Variants in TASP1 observed in about 807,000 individuals in gnomAD.
TASP1 encodes the protein taspase 1.
A neutral mutation model predicts 56.6 loss-of-function variants in TASP1; 16 were observed. That is an observed-to-expected ratio of 0.28 (90% CI 0.19 to 0.43). TASP1 has a LOEUF of 0.43. Ranked by LOEUF, TASP1 falls within the 20% of genes least tolerant of loss-of-function variation. The probability of loss-of-function intolerance (pLI) is 1.00; values close to 1 mark genes in which losing one functional copy is unlikely to be tolerated. For missense variants in TASP1, 393 were observed against 511.6 expected (o/e 0.77, Z 2.24); for synonymous variants, 179 against 184.2 (o/e 0.97, Z 0.23).
At chr20:13,232,596 A>G in the TASP1 span, among the ~76,000 whole-genome samples, 1 of 152,256 alleles carries the variant, frequency 6.6e-6, no homozygotes, top group African/African-American at 2.4e-5. Flanking sequence ...ACATTCAGGT[A>G]TAAGCCTTTG....
the TASP1 span, among the ~76,000 whole-genome samples, chr20:13,337,842 C>T: frequency 2.0e-5 from 3 of 152,088 alleles, no homozygotes; most frequent in Non-Finnish European, 4.4e-5. Flanking sequence ...GCACCTCTGT[C>T]GTGTTATAAA....
chr20:13,328,139 G>C, the TASP1 span, among the ~76,000 whole-genome samples: 2 of 152,276 alleles, frequency 1.3e-5, no homozygotes. Context: ...CCATTAAAAA[G>C]TGAGCAAAGG....
intron 8 of TASP1, among the ~76,000 whole-genome samples, chr20:13,548,642 A>C (rs78488695): frequency 0.029 from 4,405 of 152,242 alleles, 196 homozygotes; most frequent in African/African-American, 0.098. Flanking sequence ...AGCAAAGAGG[A>C]AGAGCTGCAA....
At chr20:13,126,472 T>C in the TASP1 span, 1 of 1,221,872 alleles carries the variant, frequency 8.2e-7, no homozygotes, top group Non-Finnish European at 1.1e-6. Flanking sequence ...CCCATTCATC[T>C]TTTGAGCATG....
chr20:13,254,664 CATG>C, the TASP1 span, among the ~76,000 whole-genome samples: 1 of 152,186 alleles, frequency 6.6e-6, no homozygotes, highest in Non-Finnish European at 1.5e-5. Flanking sequence ...GGGCACTACC[CATG>C]ATATCACTCA....
chr20:13,107,623 C>A, the TASP1 span, among the ~76,000 whole-genome samples: 2 of 152,148 alleles, frequency 1.3e-5, no homozygotes, highest in Non-Finnish European at 2.9e-5. Context: ...AGGAAAGTGG[C>A]ATGAAATAAA....
the TASP1 span, chr20:13,270,844 T>C: frequency 1.4e-5 from 15 of 1,108,004 alleles, no homozygotes; most frequent in Non-Finnish European, 2.0e-5. Context: ...CTTTTCTTCT[T>C]AACCCCTTAA....
At chr20:13,107,950 T>C in the TASP1 span, among the ~76,000 whole-genome samples, 141 of 152,312 alleles carry the variant, frequency 9.3e-4, no homozygotes, top group African/African-American at 3.2e-3. Context: ...ATTTATGTGA[T>C]GTTTTCTTAA....
intron 4 of TASP1, chr20:13,614,794 CTTTGTT>C: frequency 2.1e-6 from 1 of 468,794 alleles, no homozygotes; most frequent in Non-Finnish European, 4.4e-6. Context: ...TAGTTTTAAA[CTTTGTT>C]TTAGTTGGAT....
the TASP1 span, among the ~76,000 whole-genome samples, chr20:13,185,564 T>C: frequency 4.9e-4 from 74 of 152,306 alleles, no homozygotes; most frequent in East Asian, 8.9e-3. Context: ...TCCCTATTAT[T>C]GAAATTGTTT....
the TASP1 span, chr20:13,110,097 TGGTA>T: frequency 1.9e-6 from 3 of 1,574,134 alleles, no homozygotes; most frequent in Admixed American, 2.0e-5. Flanking sequence ...TTTTTTTTTT[TGGTA>T]TTATTTAAAG....
the TASP1 span, among the ~76,000 whole-genome samples, chr20:13,323,771 C>T: frequency 3.3e-4 from 50 of 152,262 alleles, no homozygotes; most frequent in Admixed American, 3.3e-3. Context: ...AAGCCTTCTT[C>T]TTCAATCCCA....
At chr20:13,279,782 A>C in the TASP1 span, 1 of 1,614,056 alleles carries the variant, frequency 6.2e-7, no homozygotes, top group South Asian at 1.1e-5. Context: ...AGCGGGGACC[A>C]GGACTACAAG....
the TASP1 span, among the ~76,000 whole-genome samples, chr20:13,196,612 G>A: frequency 5.3e-5 from 8 of 152,118 alleles, no homozygotes; most frequent in African/African-American, 1.7e-4. Flanking sequence ...GCTGGATTTT[G>A]AAGGCTTAAT....
chr20:13,467,568 A>G (rs1196786796), intron 11 of TASP1, among the ~76,000 whole-genome samples: 2 of 152,160 alleles, frequency 1.3e-5, no homozygotes, highest in African/African-American at 4.8e-5. Context: ...ATTGGCTTCT[A>G]TATTGATAAC....
In TASP1 at chr20:13,414,332, G is replaced by A. The variant is rs573799854; in HGVS notation, c.1170+3116C>T. ...TATCCTCAAGTTATCATAGCCAGAG[G>A]CACATATTGTCCATCTGCCCCTCAT... On this transcript the variant is annotated intron_variant, in intron 13 of 13. Transcript: ENST00000337743. Among the ~76,000 whole-genome samples, 21 of 152,246 alleles carry A rather than the reference G, an allele frequency of 1.4e-4. No individual in the cohort carries two copies. The South Asian group carries it at 3.9e-3, about 29-fold the overall frequency.
chr20:13,342,344 A>G, the TASP1 span, among the ~76,000 whole-genome samples: 36 of 152,272 alleles, frequency 2.4e-4, no homozygotes, highest in African/African-American at 7.7e-4. Context: ...CATGGAGGAG[A>G]ACGACTCAGT....
chr20:13,372,741 ATC>A, the TASP1 span, among the ~76,000 whole-genome samples: 2 of 151,672 alleles, frequency 1.3e-5, no homozygotes, highest in African/African-American at 4.8e-5. Context: ...CATTGTCAGT[ATC>A]TCTAGTGTAA....
At chr20:13,133,145 T>C in the TASP1 span, 1 of 151,300 alleles carries the variant, frequency 6.6e-6, no homozygotes, top group East Asian at 2.0e-4. Flanking sequence ...CTTCCTCTCT[T>C]TTCTGCCAGG....
Sources: allele counts gnomAD v4.1 joint callset (sites outside exome capture counted in the v4.1 genomes callset), GRCh38; gene constraint gnomAD v4.1.1; transcripts MANE v1.5; gene names NCBI Gene and HGNC (gene_info 2026-07-23, HGNC 2026-07-21).